AP4S1: variants seen among roughly 807,000 people sequenced by gnomAD.
AP4S1 encodes the protein adaptor related protein complex 4 subunit sigma 1.
In AP4S1, 23 loss-of-function variants were observed where a neutral mutation model predicts 19.8. The ratio of observed to expected loss-of-function variants is 1.16; its 90% CI spans 0.84 to 1.65. The LOEUF (loss-of-function observed/expected upper bound fraction) is 1.65. Ranked by LOEUF, AP4S1 falls within the 40% of genes most tolerant of loss-of-function variation. The pLI is 0.00. For synonymous variants in AP4S1, 46 were observed against 54.1 expected (o/e 0.85, Z 0.66); for missense variants, 166 against 172.8 (o/e 0.96, Z 0.22).
At chr14:31,042,106 C>T (rs1885144053) in intron 1 of AP4S1, among the ~76,000 whole-genome samples, 1 of 152,190 alleles carries the variant, frequency 6.6e-6, no homozygotes, top group African/African-American at 2.4e-5. Context: ...GCTGGGATTA[C>T]AGGCATGAGC....
chr14:31,071,212 C>T (rs1174321875), intron 3 of AP4S1, among the ~76,000 whole-genome samples: 3 of 152,168 alleles, frequency 2.0e-5, no homozygotes, highest in African/African-American at 7.2e-5. Context: ...TGTTTTAGAT[C>T]TAACTGAAAT....
At chr14:31,081,460 C>T (rs1165381050) in intron 5 of AP4S1, among the ~76,000 whole-genome samples, 1 of 152,166 alleles carries the variant, frequency 6.6e-6, no homozygotes, top group Non-Finnish European at 1.5e-5. Context: ...ACCCTCAAAA[C>T]AAGCACGATT....
At chr14:31,029,910 C>T (rs1161372543) in intron 1 of AP4S1, among the ~76,000 whole-genome samples, 1 of 150,602 alleles carries the variant, frequency 6.6e-6, no homozygotes, top group Non-Finnish European at 1.5e-5. Context: ...CTCCATATCC[C>T]TGAATTCTTT....
At chr14:31,049,428 A>AAAATATATATAT (rs1384450221) in intron 1 of AP4S1, among the ~76,000 whole-genome samples, 61 of 57,730 alleles carry the variant, frequency 1.1e-3, no homozygotes, top group African/African-American at 4.7e-3. Flanking sequence ...AAAAAAAAAA[A>AAAATATATATAT]ATATATATAT....
intron 1 of AP4S1, among the ~76,000 whole-genome samples, chr14:31,041,660 G>T (rs908751464): frequency 6.6e-6 from 1 of 152,040 alleles, no homozygotes; most frequent in Non-Finnish European, 1.5e-5. Context: ...TTAAGATATT[G>T]GATATTCTTA....
At chr14:31,038,739 A>C (rs2139438729) in intron 1 of AP4S1, among the ~76,000 whole-genome samples, 1 of 152,316 alleles carries the variant, frequency 6.6e-6, no homozygotes, top group Middle Eastern at 3.4e-3. Flanking sequence ...TGACTCACAG[A>C]GCTATGAGGG....
At chr14:31,035,609 C>T (rs576695575) in intron 1 of AP4S1, among the ~76,000 whole-genome samples, 32 of 148,390 alleles carry the variant, frequency 2.2e-4, no homozygotes, top group African/African-American at 6.4e-4. Flanking sequence ...AAAATCCATA[C>T]ATTTCATTTG....
At chr14:31,072,536 A>G (rs1316817761) in intron 3 of AP4S1, among the ~76,000 whole-genome samples, 1 of 151,874 alleles carries the variant, frequency 6.6e-6, no homozygotes, top group East Asian at 1.9e-4. Context: ...ACACCTGGCT[A>G]GTTTTTAAGT....
intron 1 of AP4S1, among the ~76,000 whole-genome samples, chr14:31,047,796 A>G (rs1474070984): frequency 6.6e-6 from 1 of 152,008 alleles, no homozygotes; most frequent in Non-Finnish European, 1.5e-5. Context: ...GTCATGCCTC[A>G]ATGACAAGCC....
intron 4 of AP4S1, among the ~76,000 whole-genome samples, chr14:31,079,289 G>A (rs1406232465): frequency 6.6e-6 from 1 of 152,112 alleles, no homozygotes; most frequent in Non-Finnish European, 1.5e-5. Flanking sequence ...CAAAGAGAAA[G>A]AGGAAAGCGA....
intron 1 of AP4S1, among the ~76,000 whole-genome samples, chr14:31,034,876 C>G (rs1430085488): frequency 2.6e-5 from 4 of 151,942 alleles, no homozygotes; most frequent in African/African-American, 9.7e-5. Flanking sequence ...ATCCACCTGC[C>G]TTGGCCTCCC....
chr14:31,039,542 G>C (rs1040652394), intron 1 of AP4S1, among the ~76,000 whole-genome samples: 3 of 150,294 alleles, frequency 2.0e-5, no homozygotes, highest in Non-Finnish European at 4.4e-5. Context: ...ATTTAATTAG[G>C]AAGGTCTTAA....
In AP4S1 at chr14:31,072,941, G is replaced by A; in HGVS notation, c.262G>A (p.Val88Met). ...TATTTATGAATTCATTCATAACTTT[G>A]TGGAAGTTTTAGATGAGTATTTCAG... ...MAIYEFIHNF[V>M]EVLDEYFSRV... The change falls in exon 4 of 6, where the codon GTG (valine) becomes ATG (methionine). Residue 88 changes from valine (V) to methionine (M), a missense_variant. By Grantham distance (21) the Val-to-Met change is conservative. Transcript: ENST00000542754. The A allele has an allele frequency of 6.2e-7, 1 of 1,613,886 alleles. No homozygotes were observed. The highest frequency in any genetic ancestry group is 8.5e-7 in the Non-Finnish European group (1 of 1,179,868).
rs141256924 is a variant in AP4S1, at chr14:31,072,146, G to T, written c.226-759G>T. Among the ~76,000 whole-genome samples, 141 of 151,886 alleles carry T rather than the reference G, an allele frequency of 9.3e-4. No individual in the cohort carries two copies. The East Asian group carries it at 0.018, about 19-fold the overall frequency. ...AGTAGAGACGAGGTTTCACTATGTT[G>T]GCCAGGCTGGTCTCAAGCTCCTGAC... On this transcript the variant is annotated intron_variant, in intron 3 of 5. Coordinates refer to ENST00000542754, the MANE Select transcript of AP4S1 (RefSeq NM_001128126.3).
intron 5 of AP4S1, among the ~76,000 whole-genome samples, chr14:31,087,667 A>AT (rs1317521257): frequency 6.6e-6 from 1 of 152,210 alleles, no homozygotes; most frequent in Non-Finnish European, 1.5e-5. Flanking sequence ...AATTTGACAT[A>AT]TTTTTTAAAA....
chr14:31,034,303 A>G (rs1489233018), intron 1 of AP4S1, among the ~76,000 whole-genome samples: 1 of 152,240 alleles, frequency 6.6e-6, no homozygotes, highest in African/African-American at 2.4e-5. Context: ...CTGTTAGTAG[A>G]AAGTACATGA....
At chr14:31,065,667 A>G (rs1886673824) in intron 1 of AP4S1, among the ~76,000 whole-genome samples, 1 of 151,948 alleles carries the variant, frequency 6.6e-6, no homozygotes, top group East Asian at 1.9e-4. Flanking sequence ...TTATTTATTT[A>G]TGTATTTTTT....
Position 31,085,972 on chromosome 14 carries a change from G to A in AP4S1, c.306+5388G>A, listed in dbSNP as rs117155287. ...TGCTGTGTGCACTCTCTGTGACTCC[G>A]CCAGCATCTGCCATGGTGCTTCCTG... On this transcript the variant is annotated intron_variant, in intron 5 of 5. Coordinates refer to ENST00000542754, the MANE Select transcript of AP4S1 (RefSeq NM_001128126.3). 136 of 288,058 alleles carry A rather than the reference G, an allele frequency of 4.7e-4. No homozygotes were observed. In the East Asian group the frequency reaches 0.017, roughly 35 times the overall value. 17.8% of individuals were successfully genotyped at this position (288,058 alleles called of 1,614,324 possible).
At chr14:31,032,071 CAAAAAAAA>C (rs71905676) in intron 1 of AP4S1, among the ~76,000 whole-genome samples, 6 of 110,604 alleles carry the variant, frequency 5.4e-5, no homozygotes, top group Non-Finnish European at 8.2e-5. Flanking sequence ...GACCTTGTCC[CAAAAAAAA>C]AAAAAAAAAA....
Sources: gnomAD v4.1 joint callset for allele counts (sites outside exome capture counted in the v4.1 genomes callset) on GRCh38, gnomAD v4.1.1 for gene constraint, MANE v1.5 for transcripts, NCBI Gene and HGNC (gene_info 2026-07-23, HGNC 2026-07-21) for gene names.